CACNA1C: variants seen among roughly 807,000 people sequenced by gnomAD.
CACNA1C encodes the protein voltage-dependent L-type calcium channel subunit alpha-1C.
In CACNA1C, 30 loss-of-function variants were observed where a neutral mutation model predicts 229.0. The ratio of observed to expected loss-of-function variants is 0.13; its 90% CI spans 0.10 to 0.18. CACNA1C has a LOEUF of 0.18. CACNA1C is among the 10% of genes least tolerant of loss of function. The probability of loss-of-function intolerance (pLI) is 1.00; values close to 1 mark genes in which losing one functional copy is unlikely to be tolerated. For synonymous variants in CACNA1C, 1,114 were observed against 1,132.5 expected, an observed-to-expected ratio of 0.98 and a Z score of 0.33; for missense variants, 1,658 against 2,845.0, an observed-to-expected ratio of 0.58 and a Z score of 9.49.
chr12:2,177,810 C>G (rs975456014), intron 3 of CACNA1C, among the ~76,000 whole-genome samples: 25 of 151,756 alleles, frequency 1.6e-4, no homozygotes, highest in Non-Finnish European at 2.2e-4. Context: ...CTAATTTTTG[C>G]ATTTTTAGTA....
chr12:2,493,246 C>A lies in CACNA1C; in HGVS notation c.973C>A (p.Gln325Lys), dbSNP rs1597984777. Residue 325 changes from glutamine (Q) to lysine (K), a missense_variant, in exon 7 of 47, where the codon CAG becomes AAG. By Grantham distance (53) the Gln-to-Lys change is moderately conservative. Transcript: ENST00000399655. The surrounding 1 kb of genome is among the most constrained non-coding windows in gnomAD (Gnocchi z 4.6). ...PCALETGHGRQCQNGTVCKPG... is the reference protein window; with the variant it reads ...PCALETGHGRKCQNGTVCKPG... ...TGCGCTGGAAACGGGCCACGGGCGG[C>A]AGTGCCAGAACGGCACGGTGTGCAA... The A allele has an allele frequency of 3.7e-6, 6 of 1,614,044 alleles. No homozygotes were observed. Among genetic ancestry groups the A allele is most frequent in the Non-Finnish European group, 5.1e-6 (6 of 1,179,882 alleles).
At chr12:2,431,674 C>T (rs2099086241) in intron 3 of CACNA1C, among the ~76,000 whole-genome samples, 1 of 152,136 alleles carries the variant, frequency 6.6e-6, no homozygotes, top group Non-Finnish European at 1.5e-5. Flanking sequence ...AAACATTAAA[C>T]ACAGGACCTG....
At chr12:2,023,989 G>A (rs1184121499) in intron 1 of CACNA1C, among the ~76,000 whole-genome samples, 1 of 152,198 alleles carries the variant, frequency 6.6e-6, no homozygotes, top group Non-Finnish European at 1.5e-5. Flanking sequence ...AGATTAAGGG[G>A]AGGAGTTGAA....
At position 2,587,209 on chromosome 12, in the gene CACNA1C, A is replaced by C. The variant is rs1041944067; in HGVS notation, c.2530+1305A>C. Among the ~76,000 whole-genome samples, 16 of 145,246 alleles carry C rather than the reference A, an allele frequency of 1.1e-4. No individual in the cohort carries two copies. The South Asian group carries it at 3.2e-3, about 29-fold the overall frequency. On this transcript the variant is annotated intron_variant, in intron 18 of 46. Coordinates refer to ENST00000399655, the MANE Select transcript of CACNA1C (RefSeq NM_000719.7). ...TGCTTTGCTTTTAAAATATTCCAACAAAAAAAAAATGGGGACAGAGAAGAT... is the reference window on the plus strand; with the variant it reads ...TGCTTTGCTTTTAAAATATTCCAACCAAAAAAAAATGGGGACAGAGAAGAT...
intron 31 of CACNA1C, 128 bp downstream of exon 31, chr12:2,648,635 C>A: frequency 2.6e-6 from 2 of 780,770 alleles, no homozygotes; most frequent in Non-Finnish European, 4.5e-6. Context: ...GCCACTGTGT[C>A]TGCCGTGTGC....
chr12:2,086,660 G>A (rs1267306545), intron 1 of CACNA1C, among the ~76,000 whole-genome samples: 1 of 152,194 alleles, frequency 6.6e-6, no homozygotes. Context: ...CAGTGAGCAT[G>A]GTCCATTTCA....
In CACNA1C at chr12:2,693,479, A is replaced by T. The variant is rs776597091; in HGVS notation, c.*2280A>T. On this transcript the variant is annotated 3_prime_UTR_variant, in exon 47 of 47. Coordinates refer to ENST00000399655, the MANE Select transcript of CACNA1C (RefSeq NM_000719.7). The stretch of plus-strand genomic sequence containing the variant: ...TGTTGCTCTACCCAACAAGGACAGC[A>T]GGGGCTCGAGAAAGGAACTGGTGAA... The T allele has an allele frequency of 6.6e-6, 1 of 152,218 alleles. No homozygotes were observed. Among genetic ancestry groups the T allele is most frequent in the Non-Finnish European group, 1.5e-5 (1 of 68,040 alleles). The allele number at this position is 152,218 out of a possible 1,614,324, so 9.4% of individuals were successfully genotyped here.
intron 3 of CACNA1C, among the ~76,000 whole-genome samples, chr12:2,277,362 GACACACACACACACACACACACACACAC>G (rs59258094): frequency 5.1e-4 from 37 of 72,232 alleles, no homozygotes; most frequent in South Asian, 4.6e-3. Flanking sequence ...CAGACAGACA[GACACACACACACACACACACACACACAC>G]ACACACACAC....
In CACNA1C at chr12:2,479,635, G is replaced by A. The variant is rs1008308678; in HGVS notation, c.758-6469G>A. Among the ~76,000 whole-genome samples the A allele has an allele frequency of 6.6e-6, 1 of 152,238 alleles. No homozygotes were observed. The highest frequency in any genetic ancestry group is 2.4e-5 in the African/African-American group (1 of 41,472). On this transcript the variant is annotated intron_variant, in intron 5 of 46. Transcript: ENST00000399655. This position sits in a 1 kb window ranked among gnomAD's most constrained non-coding sequence, Gnocchi z 4.3. Reference sequence around the variant, plus strand: ...CTCTTCCATTCTGCAAGGACAGCCAGTTCAAGTTAAGGAGCAGCTTTCTAA... The same window carrying A: ...CTCTTCCATTCTGCAAGGACAGCCAATTCAAGTTAAGGAGCAGCTTTCTAA...
intron 3 of CACNA1C, among the ~76,000 whole-genome samples, chr12:2,419,850 G>T (rs1421241089): frequency 6.6e-6 from 1 of 152,210 alleles, no homozygotes; most frequent in Non-Finnish European, 1.5e-5. Context: ...AGAGAGGGCA[G>T]CCAGTGCTGA....
intron 9 of CACNA1C, among the ~76,000 whole-genome samples, chr12:2,536,711 C>G (rs1186066977): frequency 6.6e-6 from 1 of 152,072 alleles, no homozygotes; most frequent in African/African-American, 2.4e-5. Context: ...TGCCTGTGGT[C>G]CCAGCTACTC....
intron 30 of CACNA1C, among the ~76,000 whole-genome samples, chr12:2,635,950 T>C (rs1044536022): frequency 6.6e-6 from 1 of 152,254 alleles, no homozygotes; most frequent in African/African-American, 2.4e-5. Context: ...TTAGTCTTCC[T>C]ACTCGTGCTC....
intron 3 of CACNA1C, among the ~76,000 whole-genome samples, chr12:2,122,792 C>T (rs2087479944): frequency 1.3e-5 from 2 of 152,174 alleles, no homozygotes; most frequent in East Asian, 1.9e-4. Flanking sequence ...TAAGCCTTTC[C>T]AAAGGCCTGG....
At chr12:2,113,940 C>T (rs1054612345) in intron 1 of CACNA1C, among the ~76,000 whole-genome samples, 2 of 152,344 alleles carry the variant, frequency 1.3e-5, no homozygotes, top group African/African-American at 4.8e-5. Flanking sequence ...CTGGGTTGCA[C>T]TGGTTCCAAT....
At chr12:2,074,537 C>T (rs1341300345) in intron 1 of CACNA1C, among the ~76,000 whole-genome samples, 1 of 151,950 alleles carries the variant, frequency 6.6e-6, no homozygotes, top group Non-Finnish European at 1.5e-5. Flanking sequence ...GAACTTGTTG[C>T]GACTCCTCTG....
At chr12:2,032,532 G>C (rs145701008) in intron 1 of CACNA1C, among the ~76,000 whole-genome samples, 1 of 152,220 alleles carries the variant, frequency 6.6e-6, no homozygotes, top group Non-Finnish European at 1.5e-5. Context: ...CTGGAAACAG[G>C]AATGTTATTA....
chr12:2,267,753 G>A (rs1601477812), intron 3 of CACNA1C, among the ~76,000 whole-genome samples: 1 of 152,196 alleles, frequency 6.6e-6, no homozygotes, highest in African/African-American at 2.4e-5. Flanking sequence ...TCTCTGAGCA[G>A]GGGGGTTGGA....
rs1196033232 is a variant in CACNA1C, at chr12:2,669,010, G to A, written c.4701G>A (p.Arg1567=). The change falls in exon 38 of 47, where the codon AGG becomes AGA. Residue 1567 remains arginine (R), a synonymous_variant. Transcript: ENST00000399655. ...ATGCCACCCTGTTTGCCCTGGTCAG[G>A]ACGGCCCTGAGGATCAAAACAGAAG... ...MFNATLFALV[R]TALRIKTEGN... 2 of 1,613,950 alleles carry A rather than the reference G, an allele frequency of 1.2e-6. No individual in the cohort carries two copies. The highest frequency in any genetic ancestry group is 1.1e-5 in the South Asian group (1 of 91,080).
chr12:2,438,851 C>T (rs992742823), intron 3 of CACNA1C, among the ~76,000 whole-genome samples: 2 of 152,126 alleles, frequency 1.3e-5, no homozygotes, highest in Admixed American at 6.5e-5. Context: ...GGATCCTGTT[C>T]CCTGGGCCAG....
Sources: gnomAD v4.1 joint callset for allele counts (sites outside exome capture counted in the v4.1 genomes callset) on GRCh38, gnomAD v4.1.1 for gene constraint, Gnocchi (gnomAD v3.1) non-coding constraint, MANE v1.5 for transcripts, NCBI Gene and HGNC (gene_info 2026-07-23, HGNC 2026-07-21) for gene names.